EVI5: variants seen among roughly 807,000 people sequenced by gnomAD.
EVI5 encodes the protein ecotropic viral integration site 5 protein homolog.
A neutral mutation model predicts 112.0 loss-of-function variants in EVI5; 73 were observed. The ratio of observed to expected loss-of-function variants is 0.65; its 90% CI spans 0.54 to 0.79. The LOEUF (loss-of-function observed/expected upper bound fraction) is 0.79, where lower values mean the gene tolerates loss of function less well. Among genes scored for constraint, EVI5 ranks in the 30% least tolerant of loss-of-function variants. The pLI is 0.00. For synonymous variants in EVI5, 305 were observed against 319.9 expected (o/e 0.95, Z 0.50); for missense variants, 900 against 968.8 (o/e 0.93, Z 0.94).
intron 11 of EVI5, 35 bp from the exon 12 acceptor site, chr1:92,663,487 G>A: frequency 8.8e-7 from 1 of 1,133,670 alleles, no homozygotes; most frequent in East Asian, 2.6e-5. Flanking sequence ...AAATATAAGA[G>A]AAAGAAATAA....
chr1:92,569,911 G>C (rs1571607105), intron 18 of EVI5, among the ~76,000 whole-genome samples: 1 of 124,954 alleles, frequency 8.0e-6, no homozygotes, highest in African/African-American at 3.0e-5. Flanking sequence ...AAGAACAAAA[G>C]AGTAATATAA....
At chr1:92,735,657 TA>T (rs1172629869) in intron 2 of EVI5, among the ~76,000 whole-genome samples, 3 of 3,076 alleles carry the variant, frequency 9.8e-4, no homozygotes, top group Non-Finnish European at 2.1e-3. Context: ...TATATAATTA[TA>T]TAATTCAACA....
In EVI5 at chr1:92,614,855, T is replaced by G. The variant is rs1235202734; in HGVS notation, c.1828-7128A>C. Reference sequence around the variant, plus strand: ...ATGTTATATTTTATATATATATATATATATATATATATATATATATATATA... The same window carrying G: ...ATGTTATATTTTATATATATATATAGATATATATATATATATATATATATA... On this transcript the variant is annotated intron_variant, in intron 16 of 19. Transcript: ENST00000684568. Among the ~76,000 whole-genome samples the G allele has an allele frequency of 4.9e-3, 9 of 1,842 alleles. No homozygotes were observed. The East Asian group carries it at 0.12, about 24-fold the overall frequency. The allele number at this position is 1,842 out of a possible 152,430, so 1.2% of individuals were successfully genotyped here.
intron 19 of EVI5, among the ~76,000 whole-genome samples, chr1:92,522,631 C>CAAAAA (rs61277173): frequency 0.5 from 35,176 of 69,874 alleles, 8,498 homozygotes; most frequent in East Asian, 0.72. Context: ...ACTCCATCTC[C>CAAAAA]AAAAAAAAAA....
intron 19 of EVI5, among the ~76,000 whole-genome samples, chr1:92,551,045 T>TC (rs1666853229): frequency 1.0e-5 from 1 of 98,188 alleles, no homozygotes; most frequent in African/African-American, 6.5e-5. Flanking sequence ...TCTTTCTTTT[T>TC]TTTTTTTTTT....
chr1:92,509,463 A>G lies in EVI5; in HGVS notation c.*4193T>C, dbSNP rs1659056801. 1.3e-5 allele frequency: 2 copies of G among 152,218 alleles called. No individual in the cohort carries two copies. The highest frequency in any genetic ancestry group is 4.8e-5 in the African/African-American group (2 of 41,290). The allele number at this position is 152,218 out of a possible 1,614,324, so 9.4% of individuals were successfully genotyped here. A position where few individuals can be genotyped will look rare whatever the true frequency, so the allele number is the denominator to read the frequency against. On this transcript the variant is annotated 3_prime_UTR_variant, in exon 20 of 20. Coordinates refer to ENST00000684568, the MANE Select transcript of EVI5 (RefSeq NM_001350197.2). Reference sequence around the variant, plus strand: ...AAGACGGTGGGGGCAGAAATTGTGTAAAATTACATCTTTGACTTCTTTTCC... The same window carrying G: ...AAGACGGTGGGGGCAGAAATTGTGTGAAATTACATCTTTGACTTCTTTTCC...
intron 2 of EVI5, among the ~76,000 whole-genome samples, chr1:92,709,469 C>T (rs538741504): frequency 9.9e-5 from 15 of 151,958 alleles, no homozygotes; most frequent in Non-Finnish European, 1.8e-4. Context: ...TTTTTAAAAC[C>T]GTAACTATTA....
chr1:92,552,356 T>C (rs775284829), intron 19 of EVI5, among the ~76,000 whole-genome samples: 3 of 152,190 alleles, frequency 2.0e-5, no homozygotes, highest in Non-Finnish European at 4.4e-5. Context: ...CAACCATTAA[T>C]TAGAATAAAT....
intron 5 of EVI5, among the ~76,000 whole-genome samples, chr1:92,698,960 A>C (rs1485361557): frequency 6.6e-6 from 1 of 152,218 alleles, no homozygotes; most frequent in Non-Finnish European, 1.5e-5. Flanking sequence ...CAAATTGTTA[A>C]ACCATCTTTC....
At chr1:92,761,475 G>GT (rs1250248770) in intron 1 of EVI5, among the ~76,000 whole-genome samples, 1 of 152,126 alleles carries the variant, frequency 6.6e-6, no homozygotes, top group Non-Finnish European at 1.5e-5. Context: ...TCAAAATGCT[G>GT]TATCAATGCA....
chr1:92,529,304 C>A (rs1484916702), intron 19 of EVI5, among the ~76,000 whole-genome samples: 2 of 152,150 alleles, frequency 1.3e-5, no homozygotes, highest in South Asian at 2.1e-4. Flanking sequence ...AATATGTGAC[C>A]TACTTTGATA....
At chr1:92,539,236 A>C (rs373593757) in intron 19 of EVI5, among the ~76,000 whole-genome samples, 3 of 152,142 alleles carry the variant, frequency 2.0e-5, no homozygotes, top group African/African-American at 7.2e-5. Context: ...AAATCACTCA[A>C]GAAATCTGAA....
At chr1:92,636,878 C>G (rs1428604623) in intron 13 of EVI5, among the ~76,000 whole-genome samples, 3 of 151,586 alleles carry the variant, frequency 2.0e-5, no homozygotes, top group African/African-American at 7.3e-5. Flanking sequence ...TTAATTTTAC[C>G]TTTTTTTGCT....
chr1:92,764,171 C>T lies in EVI5; in HGVS notation c.-82+20665G>A, dbSNP rs1364307352. ...TCACTAAATAGTACCACATGCACTG[C>T]TCTCCAGCTAAATAAAACCCCCTAA... On this transcript the variant is annotated intron_variant, in intron 1 of 19. Coordinates refer to ENST00000684568, the MANE Select transcript of EVI5 (RefSeq NM_001350197.2). 6.6e-5 allele frequency among the ~76,000 whole-genome samples: 10 copies of T among 152,314 alleles called. 2 individuals carry two copies. Among genetic ancestry groups the T allele is most frequent in the Admixed American group, 5.9e-4 (9 of 15,296 alleles).
In EVI5 at chr1:92,559,229, T is replaced by C. The variant is rs146403976; in HGVS notation, c.2166+4413A>G. 4.6e-5 allele frequency among the ~76,000 whole-genome samples: 7 copies of C among 152,264 alleles called. No individual in the cohort carries two copies. In the East Asian group the frequency reaches 1.4e-3, roughly 29 times the overall value. On this transcript the variant is annotated intron_variant, in intron 19 of 19. Transcript: ENST00000684568. ...ATGTTCAGTACAGATACAGATGCAA[T>C]AGTCTTTAAAAAATATTTTTGATCC...
intron 1 of EVI5, chr1:92,756,728 G>T (rs550286362): frequency 4.1e-4 from 197 of 484,860 alleles, no homozygotes; most frequent in African/African-American, 3.2e-3. Flanking sequence ...CATCAACCAA[G>T]CTGTTGTTAG....
intron 16 of EVI5, 124 bp from the exon 17 acceptor site, chr1:92,607,851 C>A: frequency 1.7e-6 from 1 of 589,052 alleles, no homozygotes; most frequent in Non-Finnish European, 2.8e-6. Flanking sequence ...CACTGTTATT[C>A]AACAAAATCA....
chr1:92,665,841 T>C (rs2102212432), intron 11 of EVI5, 98 bp downstream of exon 11: 3 of 784,278 alleles, frequency 3.8e-6, no homozygotes, highest in African/African-American at 1.7e-5. Flanking sequence ...TACTACAACA[T>C]AGGAGACATG....
chr1:92,561,849 G>C (rs1050172783), intron 19 of EVI5, among the ~76,000 whole-genome samples: 1 of 152,006 alleles, frequency 6.6e-6, no homozygotes, highest in African/African-American at 2.4e-5. Flanking sequence ...TGTTGGATGG[G>C]CTGGTCTCAA....
Sources: gnomAD v4.1 joint callset for allele counts (sites outside exome capture counted in the v4.1 genomes callset) on GRCh38, gnomAD v4.1.1 for gene constraint, MANE v1.5 for transcripts, NCBI Gene and HGNC (gene_info 2026-07-23, HGNC 2026-07-21) for gene names.